The following LRRTM3 variants were observed in gnomAD, a reference collection of about 807,000 sequenced individuals.
LRRTM3 encodes the protein leucine-rich repeat transmembrane neuronal protein 3.
Under a neutral mutation model 44.7 loss-of-function variants are expected in LRRTM3, and 24 were observed. The observed-to-expected ratio is 0.54, with a 90% CI of 0.39 to 0.76. The LOEUF is 0.76. LRRTM3 is among the 30% of genes least tolerant of loss of function. LRRTM3 has a pLI of 0.00. For missense variants in LRRTM3, 587 were observed against 702.2 expected (o/e 0.84, Z 1.85); for synonymous variants, 277 against 278.7 (o/e 0.99, Z 0.06).
chr10:67,021,032 A>T (rs1022040303), intron 2 of LRRTM3, among the ~76,000 whole-genome samples: 1 of 152,212 alleles, frequency 6.6e-6, no homozygotes, highest in South Asian at 2.1e-4. Context: ...TTGACAGTTA[A>T]CAGGTATTAA....
At chr10:67,028,660 A>AAG (rs1243258533) in intron 2 of LRRTM3, among the ~76,000 whole-genome samples, 2 of 151,934 alleles carry the variant, frequency 1.3e-5, no homozygotes, top group Non-Finnish European at 2.9e-5. Flanking sequence ...AAAAAAAAAA[A>AAG]AAAAAGTTCT....
chr10:67,038,707 A>G (rs1376022244), intron 2 of LRRTM3, among the ~76,000 whole-genome samples: 2 of 152,092 alleles, frequency 1.3e-5, no homozygotes, highest in Non-Finnish European at 2.9e-5. Flanking sequence ...AACAATTAAC[A>G]GGGTTAACAG....
chr10:66,995,047 T>C lies in LRRTM3; in HGVS notation c.1536+66595T>C, dbSNP rs569151842. Among the ~76,000 whole-genome samples the C allele has an allele frequency of 2.0e-5, 3 of 152,278 alleles. No individual in the cohort carries two copies. The South Asian group carries it at 6.2e-4, about 32-fold the overall frequency. On this transcript the variant is annotated intron_variant, in intron 2 of 2. Transcript: ENST00000361320. ...ATTCCAAGTATATGCTAAATACTCCTAAATCTAGATCTCTAGCCCAAGATG... is the reference window on the plus strand; with the variant it reads ...ATTCCAAGTATATGCTAAATACTCCCAAATCTAGATCTCTAGCCCAAGATG...
chr10:67,009,074 A>G (rs1852175127), intron 2 of LRRTM3, among the ~76,000 whole-genome samples: 1 of 152,124 alleles, frequency 6.6e-6, no homozygotes, highest in Non-Finnish European at 1.5e-5. Context: ...TCTCTCTTCC[A>G]TGTGACTTGA....
chr10:67,068,640 T>A (rs777233403), intron 2 of LRRTM3, among the ~76,000 whole-genome samples: 3 of 152,114 alleles, frequency 2.0e-5, no homozygotes, highest in Non-Finnish European at 2.9e-5. Context: ...GAGAGTGACA[T>A]CAGAAAAGCT....
chr10:66,999,221 T>A (rs1301952077), intron 2 of LRRTM3, among the ~76,000 whole-genome samples: 3 of 152,138 alleles, frequency 2.0e-5, no homozygotes, highest in Non-Finnish European at 4.4e-5. Context: ...AATTTAAACA[T>A]GATTTTATGC....
At chr10:67,026,040 T>C (rs1247504215) in intron 2 of LRRTM3, among the ~76,000 whole-genome samples, 1 of 147,146 alleles carries the variant, frequency 6.8e-6, no homozygotes, top group Non-Finnish European at 1.5e-5. Flanking sequence ...TTCTCATTCA[T>C]AGATGGGAAT....
chr10:67,078,446 C>T (rs572026551), intron 2 of LRRTM3, among the ~76,000 whole-genome samples: 2 of 152,076 alleles, frequency 1.3e-5, no homozygotes, highest in South Asian at 4.2e-4. Flanking sequence ...AATGTTACTC[C>T]CCTTAAATTA....
intron 2 of LRRTM3, among the ~76,000 whole-genome samples, chr10:67,034,012 T>A (rs1427962401): frequency 1.3e-5 from 2 of 152,182 alleles, no homozygotes; most frequent in African/African-American, 4.8e-5. Context: ...CCTCAAGAGA[T>A]CCGCCTGCCT....
At position 66,927,151 on chromosome 10, in the gene LRRTM3, A is replaced by C. The variant is rs1847128087; in HGVS notation, c.235A>C (p.Asn79His). 1 of 1,614,096 alleles carries C rather than the reference A, an allele frequency of 6.2e-7. No individual in the cohort carries two copies. The highest frequency in any genetic ancestry group is 8.5e-7 in the Non-Finnish European group (1 of 1,180,058). Residue 79 changes from asparagine (N) to histidine (H), a missense_variant, in exon 2 of 3, where the codon AAT (asparagine) becomes CAT (histidine). Transcript: ENST00000361320. The surrounding 1 kb of genome is among the most constrained non-coding windows in gnomAD (Gnocchi z 4.7). The part of the protein sequence containing the change: ...RYNSLQKLKY[N>H]QFKGLNQLTW... ...TAACAGCCTTCAAAAACTTAAGTATAATCAATTTAAAGGGCTCAACCAGCT... is the reference window on the plus strand; with the variant it reads ...TAACAGCCTTCAAAAACTTAAGTATCATCAATTTAAAGGGCTCAACCAGCT...
chr10:66,984,474 C>T (rs1227682493), intron 2 of LRRTM3, among the ~76,000 whole-genome samples: 1 of 152,092 alleles, frequency 6.6e-6, no homozygotes, highest in Non-Finnish European at 1.5e-5. Flanking sequence ...CTAGAAGTAA[C>T]ACTAAGGAAA....
chr10:66,987,731 C>T (rs557385930), intron 2 of LRRTM3, among the ~76,000 whole-genome samples: 5 of 152,060 alleles, frequency 3.3e-5, no homozygotes, highest in Admixed American at 1.3e-4. Flanking sequence ...AAGATGCTGG[C>T]AAAATAAAAA....
intron 2 of LRRTM3, among the ~76,000 whole-genome samples, chr10:66,968,043 C>G (rs73331684): frequency 0.022 from 3,305 of 152,136 alleles, 138 homozygotes; most frequent in African/African-American, 0.073. Flanking sequence ...AATTTATACT[C>G]TGAGCATGAA....
At chr10:67,079,002 T>C (rs1856892654) in intron 2 of LRRTM3, among the ~76,000 whole-genome samples, 1 of 152,206 alleles carries the variant, frequency 6.6e-6, no homozygotes, top group Non-Finnish European at 1.5e-5. Flanking sequence ...TTTCTGAAGT[T>C]TGGATACAAT....
chr10:67,086,489 A>G lies in LRRTM3; in HGVS notation c.1537-11098A>G, dbSNP rs112201501. 3.2e-3 allele frequency among the ~76,000 whole-genome samples: 481 copies of G among 152,138 alleles called. 2 individuals are homozygous for G. Among genetic ancestry groups the G allele is most frequent in the African/African-American group, 0.011 (458 of 41,552 alleles). On this transcript the variant is annotated intron_variant, in intron 2 of 2. Transcript: ENST00000361320. Reference sequence around the variant, plus strand: ...GTTTGGATGTCAGCTGCTTGGGTTCAGCAAATCCTGAAATGCTCCTCTGCA... The same window carrying G: ...GTTTGGATGTCAGCTGCTTGGGTTCGGCAAATCCTGAAATGCTCCTCTGCA...
chr10:66,928,480 C>T (rs1847198975), intron 2 of LRRTM3, 28 bp downstream of exon 2: 2 of 1,549,354 alleles, frequency 1.3e-6, no homozygotes, highest in Non-Finnish European at 1.7e-6. Context: ...AAAAAGAGCT[C>T]TTAAAAGCTG....
chr10:66,932,771 A>G (rs955504415), intron 2 of LRRTM3, among the ~76,000 whole-genome samples: 2 of 152,178 alleles, frequency 1.3e-5, no homozygotes, highest in African/African-American at 4.8e-5. Context: ...ATTGGACCCA[A>G]ATTCTTTTAG....
intron 2 of LRRTM3, among the ~76,000 whole-genome samples, chr10:67,014,840 A>G (rs1340558237): frequency 1.3e-5 from 2 of 152,144 alleles, no homozygotes; most frequent in Non-Finnish European, 2.9e-5. Flanking sequence ...TTACCAAGGT[A>G]GAAAAATGGT....
intron 2 of LRRTM3, among the ~76,000 whole-genome samples, chr10:66,986,131 G>A (rs1850716856): frequency 6.6e-6 from 1 of 152,096 alleles, no homozygotes; most frequent in South Asian, 2.1e-4. Context: ...TTGCCTGTCT[G>A]GTTAATCAGT....
Sources: gnomAD v4.1 joint callset for allele counts (sites outside exome capture counted in the v4.1 genomes callset) on GRCh38, gnomAD v4.1.1 for gene constraint, Gnocchi (gnomAD v3.1) non-coding constraint, MANE v1.5 for transcripts, NCBI Gene and HGNC (gene_info 2026-07-23, HGNC 2026-07-21) for gene names.